AVEN: variants seen among roughly 807,000 people sequenced by gnomAD.
AVEN encodes the protein cell death regulator Aven.
AVEN carries 41 observed loss-of-function variants against 38.1 expected under a neutral mutation model. That is an observed-to-expected ratio of 1.08 (90% confidence interval 0.84 to 1.40). The LOEUF (loss-of-function observed/expected upper bound fraction) is 1.40. AVEN is among the 40% of genes most tolerant of loss of function. The probability of loss-of-function intolerance (pLI) is 0.00; values close to 1 mark genes in which losing one functional copy is unlikely to be tolerated. For synonymous variants in AVEN, 206 were observed against 171.8 expected (o/e 1.20, Z -1.56); for missense variants, 605 against 438.8 (o/e 1.38, Z -3.38).
intron 2 of AVEN, among the ~76,000 whole-genome samples, chr15:33,937,988 C>T (rs1436595746): frequency 1.7e-5 from 2 of 120,352 alleles, no homozygotes; most frequent in African/African-American, 5.8e-5. Context: ...AATTAAAGTA[C>T]TAAATATGAA....
At chr15:33,920,546 A>G (rs1480336612) in intron 2 of AVEN, among the ~76,000 whole-genome samples, 1 of 152,204 alleles carries the variant, frequency 6.6e-6, no homozygotes, top group Admixed American at 6.5e-5. Context: ...TAACCCCAGT[A>G]CACTTTTATC....
At chr15:33,921,335 C>T (rs1893386405) in intron 2 of AVEN, among the ~76,000 whole-genome samples, 1 of 152,188 alleles carries the variant, frequency 6.6e-6, no homozygotes, top group African/African-American at 2.4e-5. Flanking sequence ...GTGACAGACA[C>T]AGACAGTAAC....
intron 4 of AVEN, chr15:34,064,154 G>T (rs1900446943): frequency 6.2e-7 from 1 of 1,614,116 alleles, no homozygotes. Context: ...TGTGGCACTT[G>T]GGCTATTGGT....
chr15:34,072,236 T>C (rs1900641917), intron 1 of AVEN, among the ~76,000 whole-genome samples: 1 of 152,024 alleles, frequency 6.6e-6, no homozygotes, highest in South Asian at 2.1e-4. Flanking sequence ...ACCATCTCTC[T>C]CCAGCCTGGG....
intron 2 of AVEN, among the ~76,000 whole-genome samples, chr15:33,982,658 G>C (rs1459274341): frequency 6.6e-6 from 1 of 152,120 alleles, no homozygotes; most frequent in Non-Finnish European, 1.5e-5. Context: ...TTTGAATTTA[G>C]TAATGGAAAC....
chr15:33,942,218 T>G (rs549916879), intron 2 of AVEN, among the ~76,000 whole-genome samples: 1 of 152,336 alleles, frequency 6.6e-6, no homozygotes, highest in African/African-American at 2.4e-5. Context: ...TGTTGTCAAA[T>G]TCTATGTTTG....
intron 2 of AVEN, among the ~76,000 whole-genome samples, chr15:33,961,754 A>C (rs939732159): frequency 4.5e-5 from 6 of 132,164 alleles, no homozygotes; most frequent in African/African-American, 1.1e-4. Flanking sequence ...CGGAGCTTGC[A>C]GTGAGCCGAG....
At chr15:33,879,114 G>A (rs1336881776) in intron 2 of AVEN, among the ~76,000 whole-genome samples, 1 of 151,932 alleles carries the variant, frequency 6.6e-6, no homozygotes, top group East Asian at 1.9e-4. Context: ...TATGTTTACT[G>A]CGGCACTATT....
intron 2 of AVEN, among the ~76,000 whole-genome samples, chr15:33,918,012 T>C (rs1306885934): frequency 1.3e-5 from 2 of 152,182 alleles, no homozygotes; most frequent in African/African-American, 2.4e-5. Context: ...ATAAAAGTAA[T>C]TTTTCTATTA....
chr15:33,869,410 CT>C (rs1890840539), intron 4 of AVEN, among the ~76,000 whole-genome samples: 1 of 152,206 alleles, frequency 6.6e-6, no homozygotes, highest in Admixed American at 6.5e-5. Flanking sequence ...CACTTCCTCT[CT>C]GTCCTGAGTC....
chr15:33,919,746 C>G (rs920606898), intron 2 of AVEN, among the ~76,000 whole-genome samples: 25 of 152,202 alleles, frequency 1.6e-4, no homozygotes, highest in African/African-American at 5.8e-4. Context: ...CATTATTTAA[C>G]TGATAATTTC....
chr15:33,873,609 A>G (rs1320058221), intron 3 of AVEN, among the ~76,000 whole-genome samples: 1 of 149,074 alleles, frequency 6.7e-6, no homozygotes, highest in African/African-American at 2.4e-5. Context: ...TATATATTAT[A>G]TATATCCAGT....
chr15:34,040,516 T>A (rs1597381603), upstream of AVEN, among the ~76,000 whole-genome samples: 1 of 152,212 alleles, frequency 6.6e-6, no homozygotes, highest in South Asian at 2.1e-4. Context: ...CCAAACACTA[T>A]TCTACATACT....
At chr15:34,035,834 G>A (rs2702306) in intron 1 of AVEN, among the ~76,000 whole-genome samples, 72,586 of 151,942 alleles carry the variant, frequency 0.48, 20,800 homozygotes, top group Non-Finnish European at 0.64. Context: ...TCACTCTATT[G>A]CCCAGGCTGG....
intron 2 of AVEN, among the ~76,000 whole-genome samples, chr15:33,959,791 A>G (rs1597275542): frequency 6.6e-6 from 1 of 152,266 alleles, no homozygotes; most frequent in Non-Finnish European, 1.5e-5. Context: ...AGAAAGACAT[A>G]TAAACCAATT....
chr15:33,871,044 T>C lies in AVEN; in HGVS notation c.517-14A>G. ...AAATGCTGAATTCTATATATATATA[T>C]AAAAGAAAATAAAATATCAGGTGAT... On this transcript the variant is annotated splice_polypyrimidine_tract_variant and intron_variant, in intron 3 of 5. Coordinates refer to ENST00000306730, the MANE Select transcript of AVEN (RefSeq NM_020371.3). The C allele has an allele frequency of 1.5e-6, 2 of 1,335,396 alleles. No individual in the cohort carries two copies. Among genetic ancestry groups the C allele is most frequent in the Non-Finnish European group, 2.0e-6 (2 of 1,014,420 alleles). The allele number at this position is 1,335,396 out of a possible 1,614,324, so 82.7% of individuals were successfully genotyped here.
At chr15:33,857,049 A>C (rs575972497), downstream of AVEN, among the ~76,000 whole-genome samples, 3 of 152,238 alleles carry the variant, frequency 2.0e-5, no homozygotes, top group East Asian at 5.8e-4. Flanking sequence ...ACAAAACACA[A>C]TGTATCCCTC....
chr15:33,894,829 C>CAAT (rs144222156), intron 2 of AVEN, among the ~76,000 whole-genome samples: 86 of 24,128 alleles, frequency 3.6e-3, no homozygotes, highest in African/African-American at 4.2e-3. Context: ...AAAATAATAA[C>CAAT]AATAATAATA....
intron 1 of AVEN, among the ~76,000 whole-genome samples, chr15:34,006,387 T>C (rs1897344607): frequency 6.6e-6 from 1 of 152,132 alleles, no homozygotes; most frequent in Non-Finnish European, 1.5e-5. Flanking sequence ...AGCAGGGTTT[T>C]GTCTGGGAAA....
Sources: gnomAD v4.1 joint callset for allele counts (sites outside exome capture counted in the v4.1 genomes callset) on GRCh38, gnomAD v4.1.1 for gene constraint, MANE v1.5 for transcripts, NCBI Gene and HGNC (gene_info 2026-07-23, HGNC 2026-07-21) for gene names.